Variants in CACNA2D3 observed in about 807,000 individuals in gnomAD.
CACNA2D3 encodes voltage-dependent calcium channel subunit alpha-2/delta-3.
A neutral mutation model predicts 160.6 loss-of-function variants in CACNA2D3; 60 were observed. The ratio of observed to expected loss-of-function variants is 0.37; its 90% CI spans 0.30 to 0.46. The LOEUF is 0.46. Ranked by LOEUF, CACNA2D3 falls within the 20% of genes least tolerant of loss-of-function variation. The probability of loss-of-function intolerance (pLI) is 1.00; values close to 1 mark genes in which losing one functional copy is unlikely to be tolerated. For synonymous variants in CACNA2D3, 558 were observed against 492.9 expected (o/e 1.13, Z -1.75); for missense variants, 1,205 against 1,365.0 (o/e 0.88, Z 1.85).
chr3:54,564,782 A>G (rs1284483602), intron 6 of CACNA2D3, among the ~76,000 whole-genome samples: 1 of 152,206 alleles, frequency 6.6e-6, no homozygotes, highest in Non-Finnish European at 1.5e-5. Flanking sequence ...TTGTGGGGAC[A>G]TGCATTTGTC....
At chr3:54,956,342 G>C (rs1278120882) in intron 27 of CACNA2D3, among the ~76,000 whole-genome samples, 3 of 152,236 alleles carry the variant, frequency 2.0e-5, no homozygotes, top group Non-Finnish European at 2.9e-5. Flanking sequence ...TCCGGGAAAA[G>C]AAAGTGATGG....
intron 13 of CACNA2D3, among the ~76,000 whole-genome samples, chr3:54,769,167 C>T (rs1702273201): frequency 6.6e-6 from 1 of 152,122 alleles, no homozygotes; most frequent in South Asian, 2.1e-4. Flanking sequence ...AACTCATCTG[C>T]AGAGTCTAAA....
intron 4 of CACNA2D3, among the ~76,000 whole-genome samples, chr3:54,429,980 A>G (rs1699965711): frequency 6.6e-6 from 1 of 152,210 alleles, no homozygotes; most frequent in African/African-American, 2.4e-5. Context: ...GTTTAGAGCA[A>G]TAGGGAATGA....
chr3:54,797,687 CT>C (rs1702894728), intron 13 of CACNA2D3, among the ~76,000 whole-genome samples: 3 of 152,160 alleles, frequency 2.0e-5, no homozygotes. Context: ...GATTGTGTGA[CT>C]TCTTGAGTTT....
At chr3:54,275,382 GA>G (rs11315449) in intron 2 of CACNA2D3, among the ~76,000 whole-genome samples, 11,186 of 151,480 alleles carry the variant, frequency 0.074, 604 homozygotes, top group East Asian at 0.27. Context: ...TTTTTTCTTA[GA>G]AAAAAAATTC....
At chr3:54,578,113 A>G (rs942857766) in intron 8 of CACNA2D3, among the ~76,000 whole-genome samples, 1 of 152,212 alleles carries the variant, frequency 6.6e-6, no homozygotes, top group Non-Finnish European at 1.5e-5. Context: ...AGAAGGACTA[A>G]CCACTTGGGC....
In CACNA2D3 at chr3:54,125,767, T is replaced by G. The variant is rs573858719; in HGVS notation, c.204+2173T>G. ...ACATTGGTTTAGAGAGTTCAGAGTATGAATGGGAGTAGATCTGAGTGCTCA... is the reference window on the plus strand; with the variant it reads ...ACATTGGTTTAGAGAGTTCAGAGTAGGAATGGGAGTAGATCTGAGTGCTCA... On this transcript the variant is annotated intron_variant, in intron 2 of 37. Transcript: ENST00000474759. Among the ~76,000 whole-genome samples the G allele has an allele frequency of 1.2e-3, 178 of 152,330 alleles. 1 individual carries two copies. Among genetic ancestry groups the G allele is most frequent in the Non-Finnish European group, 2.0e-3 (139 of 68,028 alleles).
chr3:54,161,910 T>C (rs1193411023), intron 2 of CACNA2D3, among the ~76,000 whole-genome samples: 1 of 152,202 alleles, frequency 6.6e-6, no homozygotes, highest in East Asian at 1.9e-4. Flanking sequence ...CCTTCCCAGC[T>C]GTAGGTGCCA....
At chr3:54,317,802 G>A (rs1421103212) in intron 2 of CACNA2D3, among the ~76,000 whole-genome samples, 1 of 152,218 alleles carries the variant, frequency 6.6e-6, no homozygotes, top group Non-Finnish European at 1.5e-5. Context: ...GCCTCCCAAA[G>A]TGCTGGGATT....
At chr3:54,807,605 T>C (rs898388677) in intron 13 of CACNA2D3, among the ~76,000 whole-genome samples, 3 of 151,662 alleles carry the variant, frequency 2.0e-5, no homozygotes, top group Admixed American at 6.6e-5. Flanking sequence ...ACACTGTTGG[T>C]GGGACTGTAA....
chr3:54,167,671 T>C (rs567081827), intron 2 of CACNA2D3, among the ~76,000 whole-genome samples: 1 of 152,216 alleles, frequency 6.6e-6, no homozygotes, highest in South Asian at 2.1e-4. Flanking sequence ...TTACTTGGGG[T>C]GCAGAGGAAT....
chr3:54,626,310 G>T, intron 9 of CACNA2D3: 1 of 1,546,792 alleles, frequency 6.5e-7, no homozygotes, highest in Non-Finnish European at 8.8e-7. Flanking sequence ...ACAAGCGGCT[G>T]ATGCCGCTGT....
intron 31 of CACNA2D3, among the ~76,000 whole-genome samples, chr3:54,999,041 C>T (rs576267665): frequency 6.6e-6 from 1 of 152,292 alleles, no homozygotes; most frequent in South Asian, 2.1e-4. Context: ...CCACCGCGCC[C>T]GGCCAGCTAA....
intron 27 of CACNA2D3, among the ~76,000 whole-genome samples, chr3:54,949,215 G>A (rs975279087): frequency 6.6e-6 from 1 of 152,138 alleles, no homozygotes; most frequent in Admixed American, 6.5e-5. Context: ...TTTGGCACAG[G>A]AGCATAGGAT....
chr3:54,523,340 T>G (rs1701676514), intron 5 of CACNA2D3, among the ~76,000 whole-genome samples: 2 of 152,178 alleles, frequency 1.3e-5, no homozygotes, highest in African/African-American at 4.8e-5. Flanking sequence ...TTTGGTGTAT[T>G]AGATTAATTG....
intron 9 of CACNA2D3, chr3:54,626,163 C>G: frequency 2.9e-6 from 2 of 679,328 alleles, no homozygotes; most frequent in Non-Finnish European, 5.3e-6. Flanking sequence ...GGGAGTCTCA[C>G]GATAACTGCG....
intron 13 of CACNA2D3, among the ~76,000 whole-genome samples, chr3:54,803,839 A>G (rs1703051677): frequency 1.3e-5 from 2 of 152,262 alleles, no homozygotes; most frequent in African/African-American, 2.4e-5. Flanking sequence ...GAAGCCCATC[A>G]GACTAACAGC....
intron 35 of CACNA2D3, among the ~76,000 whole-genome samples, chr3:55,020,296 T>C (rs1463773670): frequency 1.3e-5 from 2 of 150,404 alleles, no homozygotes; most frequent in African/African-American, 4.9e-5. Flanking sequence ...GATAGGGTTT[T>C]TATATGTATA....
chr3:54,747,551 A>G (rs1405225888), intron 11 of CACNA2D3, among the ~76,000 whole-genome samples: 1 of 152,170 alleles, frequency 6.6e-6, no homozygotes. Flanking sequence ...GTATCAGCTC[A>G]TGTCAGACTT....
Sources: allele counts gnomAD v4.1 joint callset (sites outside exome capture counted in the v4.1 genomes callset), GRCh38; gene constraint gnomAD v4.1.1; transcripts MANE v1.5; gene names NCBI Gene and HGNC (gene_info 2026-07-23, HGNC 2026-07-21).